VWF: variants seen among roughly 807,000 people sequenced by gnomAD.
VWF encodes the protein von Willebrand factor.
In VWF, 176 loss-of-function variants were observed where a neutral mutation model predicts 308.6. The ratio of observed to expected loss-of-function variants is 0.57; its 90% confidence interval spans 0.50 to 0.65. The LOEUF is 0.65. Ranked by LOEUF, VWF falls within the 30% of genes least tolerant of loss-of-function variation. The pLI is 0.00. For synonymous variants in VWF, 1,385 were observed against 1,443.4 expected (o/e 0.96, Z 0.92); for missense variants, 3,146 against 3,648.2 (o/e 0.86, Z 3.55).
rs184349660 is a variant in VWF, at chr12:6,006,656, G to T, written c.5842+4961C>A. Reference sequence around the variant, plus strand: ...TAGCCAGGCATGGTGGCACGTGCTTGTAGTTCCAGCTACTTAGGAGGCTGA... The same window carrying T: ...TAGCCAGGCATGGTGGCACGTGCTTTTAGTTCCAGCTACTTAGGAGGCTGA... On this transcript the variant is annotated intron_variant, in intron 34 of 51. Transcript: ENST00000261405. 5.9e-5 allele frequency among the ~76,000 whole-genome samples: 9 copies of T among 152,188 alleles called. No homozygotes were observed. The South Asian group carries it at 1.0e-3, about 18-fold the overall frequency.
rs1025645485 is a variant in VWF, at chr12:5,969,376, C to T, written c.7564G>A (p.Ala2522Thr). Residue 2522 changes from alanine (A) to threonine (T), a missense_variant, in exon 45 of 52, where the codon GCC becomes ACC. Around this residue, in one of 3 missense-constraint regions of VWF, gnomAD observed 989 missense variants for 1,117.4 expected, o/e 0.89. Coordinates refer to ENST00000261405, the MANE Select transcript of VWF (RefSeq NM_000552.5). ...SSWKSVGSQWASPENPCLINE... is the reference protein window; with the variant it reads ...SSWKSVGSQWTSPENPCLINE... ...ATGAGGCAGGGGTTCTCCGGGGAGGCCCACTGGGAGCCGACCTGCAGGGCA... is the reference window on the plus strand; with the variant it reads ...ATGAGGCAGGGGTTCTCCGGGGAGGTCCACTGGGAGCCGACCTGCAGGGCA... The T allele has an allele frequency of 5.6e-6, 9 of 1,614,096 alleles. No homozygotes were observed. Among genetic ancestry groups the T allele is most frequent in the African/African-American group, 4.0e-5 (3 of 74,932 alleles).
At chr12:5,991,227 T>A (rs1209746172) in intron 38 of VWF, among the ~76,000 whole-genome samples, 1 of 150,302 alleles carries the variant, frequency 6.7e-6, no homozygotes, top group Non-Finnish European at 1.5e-5. Context: ...ACACGCTCCA[T>A]GATCAAATAA....
At chr12:5,982,039 C>T (rs2286938) in intron 41 of VWF, 48 bp from the exon 42 acceptor site, 137,780 of 1,584,604 alleles carry the variant, frequency 0.087, 6,847 homozygotes, top group East Asian at 0.23. Flanking sequence ...AGCCAGGGCT[C>T]GTAAGTATTC....
chr12:6,098,897 G>A (rs1481278532), intron 5 of VWF, among the ~76,000 whole-genome samples: 2 of 152,112 alleles, frequency 1.3e-5, no homozygotes, highest in Admixed American at 1.3e-4. Context: ...CAACGAAGGG[G>A]TGTGGGTTTA....
At chr12:6,088,262 A>C (rs1433398264) in intron 6 of VWF, among the ~76,000 whole-genome samples, 3 of 151,788 alleles carry the variant, frequency 2.0e-5, no homozygotes, top group African/African-American at 7.3e-5. Flanking sequence ...GCAGATCATG[A>C]GATCAGGAGA....
At chr12:6,013,292 T>C (rs1375187208) in intron 32 of VWF, among the ~76,000 whole-genome samples, 189 bp downstream of exon 32, 2 of 152,200 alleles carry the variant, frequency 1.3e-5, no homozygotes, top group Admixed American at 1.3e-4. Flanking sequence ...GCTGGCCCCA[T>C]GGGGGCTTGT....
intron 6 of VWF, among the ~76,000 whole-genome samples, chr12:6,094,665 A>T (rs763315339): frequency 6.6e-6 from 1 of 152,082 alleles, no homozygotes; most frequent in Admixed American, 6.6e-5. Flanking sequence ...TCGTGAATGG[A>T]TTAGTGCTCT....
intron 47 of VWF, among the ~76,000 whole-genome samples, chr12:5,962,362 G>A (rs1188748104): frequency 6.6e-6 from 1 of 151,842 alleles, no homozygotes; most frequent in Non-Finnish European, 1.5e-5. Context: ...GAAATTGAAA[G>A]GACATTAAAT....
intron 34 of VWF, among the ~76,000 whole-genome samples, chr12:6,005,950 T>C (rs368856998): frequency 6.6e-6 from 1 of 151,304 alleles, no homozygotes; most frequent in South Asian, 2.1e-4. Context: ...GGTAAATATA[T>C]AAACAAATAT....
At chr12:6,057,376 G>C (rs1334145664) in intron 14 of VWF, among the ~76,000 whole-genome samples, 1 of 145,782 alleles carries the variant, frequency 6.9e-6, no homozygotes, top group Non-Finnish European at 1.5e-5. Flanking sequence ...GTGCAGAAAT[G>C]CGATCTTGGC....
rs201187598 is a variant in VWF, at chr12:6,075,328, G to A, written c.874+7C>T. The A allele has an allele frequency of 9.2e-5, 148 of 1,613,838 alleles. No individual in the cohort carries two copies. In the African/African-American group the frequency reaches 9.6e-4, roughly 10 times the overall value. On this transcript the variant is annotated splice_region_variant and intron_variant, in intron 7 of 51. Transcript: ENST00000261405. The surrounding 1 kb of genome is among the most constrained non-coding windows in gnomAD (Gnocchi z 4.7). ...GCAGGGCAGGACGGGGCAGGGGGCC[G>A]ACTTACTGCACGCGCTGTGGTCGGT...
intron 3 of VWF, 43 bp from the exon 4 acceptor site, chr12:6,111,011 CA>C: frequency 6.6e-7 from 1 of 1,514,228 alleles, no homozygotes; most frequent in Non-Finnish European, 9.2e-7. Context: ...TTACTCCTCT[CA>C]AAAAATGAAT....
intron 16 of VWF, among the ~76,000 whole-genome samples, chr12:6,048,381 T>A (rs1169259232): frequency 6.6e-6 from 1 of 152,108 alleles, no homozygotes; most frequent in Non-Finnish European, 1.5e-5. Context: ...TTGGCCAGGA[T>A]GATCTCGATC....
Position 6,020,827 on chromosome 12 carries a change from T to C in VWF, c.3674+1073A>G, listed in dbSNP as rs1211659108. 1.3e-5 allele frequency among the ~76,000 whole-genome samples: 2 copies of C among 152,364 alleles called. No homozygotes were observed. Among genetic ancestry groups the C allele is most frequent in the South Asian group, 2.1e-4 (1 of 4,830 alleles). On this transcript the variant is annotated intron_variant, in intron 27 of 51. Coordinates refer to ENST00000261405, the MANE Select transcript of VWF (RefSeq NM_000552.5). The surrounding 1 kb of genome is among the most constrained non-coding windows in gnomAD (Gnocchi z 4.3). ...TGTGGGACTTCTGTCCACACACTGCTTGCAGCTTCAGCGTGCACCGTGGCA... is the reference window on the plus strand; with the variant it reads ...TGTGGGACTTCTGTCCACACACTGCCTGCAGCTTCAGCGTGCACCGTGGCA...
At chr12:6,001,378 T>C (rs573716709) in intron 34 of VWF, among the ~76,000 whole-genome samples, 3 of 152,194 alleles carry the variant, frequency 2.0e-5, no homozygotes, top group East Asian at 3.9e-4. Context: ...GACCCAACTA[T>C]TGCTATATAA....
At chr12:6,022,128 T>C (rs1591865122) in intron 26 of VWF, 93 bp from the exon 27 acceptor site, 4 of 1,562,664 alleles carry the variant, frequency 2.6e-6, no homozygotes, top group Non-Finnish European at 3.5e-6. Context: ...CAACTCCTCC[T>C]CCTGCCCTAG....
chr12:5,998,465 C>CA (rs1179417103), intron 34 of VWF, among the ~76,000 whole-genome samples: 44 of 54,562 alleles, frequency 8.1e-4, no homozygotes, highest in Admixed American at 1.4e-3. Flanking sequence ...GAGACTCCGT[C>CA]AAAAAAAAAA....
intron 38 of VWF, among the ~76,000 whole-genome samples, chr12:5,990,747 GC>G (rs1356371394): frequency 6.6e-6 from 1 of 151,574 alleles, no homozygotes; most frequent in Non-Finnish European, 1.5e-5. Flanking sequence ...GACACACACT[GC>G]CCCAGATCCT....
chr12:6,109,059 G>A (rs1206261900), intron 5 of VWF, among the ~76,000 whole-genome samples: 2 of 151,120 alleles, frequency 1.3e-5, no homozygotes, highest in East Asian at 1.9e-4. Flanking sequence ...ATGGAAGTTA[G>A]AAAATTTAAA....
Sources: gnomAD v4.1 joint callset for allele counts (sites outside exome capture counted in the v4.1 genomes callset) on GRCh38, gnomAD v4.1.1 for gene constraint, gnomAD v4.1.1 regional missense constraint, Gnocchi (gnomAD v3.1) non-coding constraint, MANE v1.5 for transcripts, NCBI Gene and HGNC (gene_info 2026-07-23, HGNC 2026-07-21) for gene names.